Variants in CAMK1D observed in about 807,000 individuals in gnomAD.
CAMK1D encodes the protein calcium/calmodulin dependent protein kinase ID.
Under a neutral mutation model 47.7 loss-of-function variants are expected in CAMK1D, and 9 were observed. The observed-to-expected ratio is 0.19, with a 90% CI of 0.11 to 0.33. CAMK1D has a LOEUF of 0.33. Among genes scored for constraint, CAMK1D ranks in the 10% least tolerant of loss-of-function variants. The pLI, the probability that CAMK1D is intolerant of heterozygous loss-of-function variation, is 1.00. For synonymous variants in CAMK1D, 184 were observed against 184.9 expected (o/e 0.99, Z 0.04); for missense variants, 291 against 488.7 (o/e 0.60, Z 3.81).
intron 3 of CAMK1D, among the ~76,000 whole-genome samples, chr10:12,740,485 C>A (rs1260772025): frequency 6.6e-6 from 1 of 152,168 alleles, no homozygotes; most frequent in Non-Finnish European, 1.5e-5. Flanking sequence ...GTAGTCCCAG[C>A]TACTCGGGAG....
chr10:12,721,042 A>T (rs896382841), intron 3 of CAMK1D, among the ~76,000 whole-genome samples: 1 of 152,194 alleles, frequency 6.6e-6, no homozygotes, highest in Non-Finnish European at 1.5e-5. Context: ...TTTGGGTGAG[A>T]TAGAGACATT....
chr10:12,577,984 T>C (rs1837544253), intron 2 of CAMK1D, among the ~76,000 whole-genome samples: 1 of 152,252 alleles, frequency 6.6e-6, no homozygotes, highest in Non-Finnish European at 1.5e-5. Flanking sequence ...CTAACATTTA[T>C]TAGGCAAGCA....
intron 1 of CAMK1D, among the ~76,000 whole-genome samples, chr10:12,372,168 A>G (rs1184332858): frequency 6.6e-6 from 1 of 152,188 alleles, no homozygotes; most frequent in Non-Finnish European, 1.5e-5. Flanking sequence ...GTGTAAATGC[A>G]CACTGTGATG....
chr10:12,795,404 C>A (rs900386754), intron 6 of CAMK1D, among the ~76,000 whole-genome samples: 1 of 152,166 alleles, frequency 6.6e-6, no homozygotes, highest in African/African-American at 2.4e-5. Context: ...GCCTGGTCTC[C>A]CATTCCCACC....
chr10:12,736,352 A>C (rs1835186272), intron 3 of CAMK1D, among the ~76,000 whole-genome samples: 1 of 152,186 alleles, frequency 6.6e-6, no homozygotes, highest in Non-Finnish European at 1.5e-5. Context: ...GCCTTGCCCC[A>C]GAGGCTCAGG....
intron 3 of CAMK1D, among the ~76,000 whole-genome samples, chr10:12,686,242 G>C (rs1436831047): frequency 6.6e-6 from 1 of 152,170 alleles, no homozygotes; most frequent in Non-Finnish European, 1.5e-5. Context: ...TGTACGTGTT[G>C]ATATGGAACG....
chr10:12,635,197 A>T lies in CAMK1D; in HGVS notation c.225-31539A>T, dbSNP rs536552764. On this transcript the variant is annotated intron_variant, in intron 2 of 10. Coordinates refer to ENST00000619168, the MANE Select transcript of CAMK1D (RefSeq NM_153498.4). ...CTCGGGAGGCCTTCCTGTGGGTGGC[A>T]TAGTGAGAGCCTGGGTATACCTGCC... Among the ~76,000 whole-genome samples the T allele has an allele frequency of 2.6e-5, 4 of 152,258 alleles. No individual in the cohort carries two copies. In the South Asian group the frequency reaches 8.3e-4, roughly 32 times the overall value.
chr10:12,708,895 C>T (rs1027797337), intron 3 of CAMK1D, among the ~76,000 whole-genome samples: 10 of 152,166 alleles, frequency 6.6e-5, no homozygotes, highest in African/African-American at 1.9e-4. Flanking sequence ...TTTGAGAGGC[C>T]GAGGCAGGAG....
intron 1 of CAMK1D, among the ~76,000 whole-genome samples, chr10:12,375,153 C>T (rs1838139884): frequency 6.6e-6 from 1 of 152,150 alleles, no homozygotes; most frequent in East Asian, 1.9e-4. Flanking sequence ...TTCATGAGAG[C>T]AGGGGACACT....
chr10:12,395,599 TG>T (rs1838913742), intron 1 of CAMK1D, among the ~76,000 whole-genome samples: 1 of 152,100 alleles, frequency 6.6e-6, no homozygotes. Flanking sequence ...TGTTAGCTTC[TG>T]GGGAAAACTT....
At position 12,440,337 on chromosome 10, in the gene CAMK1D, TGCAGTG is replaced by T. The variant is rs531342451; in HGVS notation, c.92+90431_92+90436del. On this transcript the variant is annotated intron_variant, in intron 1 of 10. Coordinates refer to ENST00000619168, the MANE Select transcript of CAMK1D (RefSeq NM_153498.4). ...TCTCCTTCTGTCACCCAGGCTGGAA[TGCAGTG>T]GCATGATCTTGGCTCACTACAGCCT... Among the ~76,000 whole-genome samples the T allele has an allele frequency of 5.7e-3, 864 of 151,714 alleles. 4 individuals are homozygous for T. The highest frequency in any genetic ancestry group is 9.9e-3 in the Non-Finnish European group (670 of 67,928).
At chr10:12,512,306 G>T (rs557174811) in intron 1 of CAMK1D, among the ~76,000 whole-genome samples, 5 of 152,218 alleles carry the variant, frequency 3.3e-5, no homozygotes, top group Admixed American at 6.5e-5. Flanking sequence ...TTGGGGAGAA[G>T]TTAAAGCAGT....
rs139617638 is a variant in CAMK1D, at chr10:12,733,943, C to A, written c.300-27005C>A. ...CAGATTTCAAGTGAGATGATCACAT[C>A]ATAAGTGTCTCCAAGACTGTGGATG... On this transcript the variant is annotated intron_variant, in intron 3 of 10. Coordinates refer to ENST00000619168, the MANE Select transcript of CAMK1D (RefSeq NM_153498.4). 1.1e-3 allele frequency among the ~76,000 whole-genome samples: 165 copies of A among 152,220 alleles called. 1 individual carries two copies. Among genetic ancestry groups the A allele is most frequent in the African/African-American group, 3.8e-3 (159 of 41,524 alleles).
chr10:12,761,357 A>G, intron 4 of CAMK1D, among the ~76,000 whole-genome samples: 1 of 152,168 alleles, frequency 6.6e-6, no homozygotes, highest in South Asian at 2.1e-4. Context: ...GGTGGGTTAT[A>G]TATTGCTTCG....
At chr10:12,541,555 T>C (rs543786382) in intron 1 of CAMK1D, among the ~76,000 whole-genome samples, 87 of 152,086 alleles carry the variant, frequency 5.7e-4, no homozygotes, top group African/African-American at 1.9e-3. Context: ...GAGACAGGGT[T>C]TCACCATGTT....
At chr10:12,504,606 G>A (rs148600304) in intron 1 of CAMK1D, among the ~76,000 whole-genome samples, 1 of 152,246 alleles carries the variant, frequency 6.6e-6, no homozygotes, top group African/African-American at 2.4e-5. Context: ...TAGAAACGAT[G>A]CTTTACCAGC....
At chr10:12,748,509 G>A (rs1835784004) in intron 3 of CAMK1D, among the ~76,000 whole-genome samples, 3 of 152,170 alleles carry the variant, frequency 2.0e-5, no homozygotes, top group Non-Finnish European at 4.4e-5. Flanking sequence ...AGAGTTCCTG[G>A]AAAAGGCTTG....
intron 1 of CAMK1D, among the ~76,000 whole-genome samples, chr10:12,433,504 C>T (rs1832546584): frequency 6.6e-6 from 1 of 151,992 alleles, no homozygotes; most frequent in Non-Finnish European, 1.5e-5. Context: ...ACAAAAGAAG[C>T]ATAAAACTGG....
In CAMK1D at chr10:12,835,386, AC is replaced by A. The variant is rs1488539132; in HGVS notation, c.*6502del. The A allele has an allele frequency of 6.6e-6, 1 of 152,240 alleles. No individual in the cohort carries two copies. The highest frequency in any genetic ancestry group is 1.5e-5 in the Non-Finnish European group (1 of 68,040). The allele number at this position is 152,240 out of a possible 1,614,324, so 9.4% of individuals were successfully genotyped here. On this transcript the variant is annotated 3_prime_UTR_variant, in exon 11 of 11. Coordinates refer to ENST00000619168, the MANE Select transcript of CAMK1D (RefSeq NM_153498.4). ...TGTAATAAACTCTGCAAGAAGTTTA[AC>A]CCACATAGGTTTGCGGCACTGCAAA...
Sources: gnomAD v4.1 joint callset for allele counts (sites outside exome capture counted in the v4.1 genomes callset) on GRCh38, gnomAD v4.1.1 for gene constraint, MANE v1.5 for transcripts, NCBI Gene and HGNC (gene_info 2026-07-23, HGNC 2026-07-21) for gene names.